TBCD: variants seen among roughly 807,000 people sequenced by gnomAD.
TBCD encodes tubulin folding cofactor D.
A neutral mutation model predicts 169.3 loss-of-function variants in TBCD; 105 were observed. The observed-to-expected ratio is 0.62, with a 90% confidence interval of 0.53 to 0.73. The LOEUF is 0.73. TBCD is among the 30% of genes least tolerant of loss of function. The probability of loss-of-function intolerance (pLI) is 0.00; values close to 1 mark genes in which losing one functional copy is unlikely to be tolerated. For missense variants in TBCD, 1,444 were observed against 1,600.1 expected (o/e 0.90, Z 1.66); for synonymous variants, 700 against 643.9 (o/e 1.09, Z -1.32).
At chr17:82,901,582 G>A (rs2059901023) in intron 18 of TBCD, among the ~76,000 whole-genome samples, 1 of 150,240 alleles carries the variant, frequency 6.7e-6, no homozygotes, top group Non-Finnish European at 1.5e-5. Flanking sequence ...TACCTGCGGT[G>A]GTCCTGCTGC....
At chr17:82,763,160 C>T (rs537905117) in intron 2 of TBCD, among the ~76,000 whole-genome samples, 2 of 152,230 alleles carry the variant, frequency 1.3e-5, no homozygotes, top group South Asian at 2.1e-4. Context: ...AGTTTTCAAC[C>T]GTGTCTCCTT....
chr17:82,855,389 C>G (rs2056187639), intron 13 of TBCD, among the ~76,000 whole-genome samples: 1 of 151,798 alleles, frequency 6.6e-6, no homozygotes, highest in African/African-American at 2.4e-5. Context: ...CTCAGCCTCC[C>G]AAGTCACTGT....
intron 37 of TBCD, 21 bp from the exon 38 acceptor site, chr17:82,941,378 C>G (rs764189523): frequency 1.7e-5 from 26 of 1,564,382 alleles, no homozygotes; most frequent in Non-Finnish European, 2.2e-5. Flanking sequence ...GAGAGACTCA[C>G]GGCTCTCCCT....
At chr17:82,917,836 G>C (rs1402741435) in intron 23 of TBCD, among the ~76,000 whole-genome samples, 1 of 152,214 alleles carries the variant, frequency 6.6e-6, no homozygotes, top group Non-Finnish European at 1.5e-5. Context: ...GGGGTTTCTG[G>C]TTCTTGTGGC....
At chr17:82,895,090 C>T (rs1461841635) in intron 17 of TBCD, among the ~76,000 whole-genome samples, 1 of 152,248 alleles carries the variant, frequency 6.6e-6, no homozygotes, top group Non-Finnish European at 1.5e-5. Flanking sequence ...CAGCCTAAAA[C>T]TCGCATGTAA....
At position 82,942,528 on chromosome 17, in the gene TBCD, G is replaced by A. The variant is rs372776232; in HGVS notation, c.*65G>A. 464 of 1,609,766 alleles carry A rather than the reference G, an allele frequency of 2.9e-4. No individual in the cohort carries two copies. Among genetic ancestry groups the A allele is most frequent in the Non-Finnish European group, 3.3e-4 (384 of 1,176,522 alleles). ...GGATGTCTTGTTCCTGAGGGAGGCC[G>A]GTGTGGAAAGCCTCGCACAGTGGTG... On this transcript the variant is annotated 3_prime_UTR_variant, in exon 39 of 39. Coordinates refer to ENST00000355528, the MANE Select transcript of TBCD (RefSeq NM_005993.5).
At position 82,889,787 on chromosome 17, in the gene TBCD, G is replaced by T; in HGVS notation, c.1563+90G>T. The T allele has an allele frequency of 1.4e-6, 2 of 1,462,712 alleles. No individual in the cohort carries two copies. The highest frequency in any genetic ancestry group is 1.9e-6 in the Non-Finnish European group (2 of 1,057,762). 90.6% of individuals were successfully genotyped at this position (1,462,712 alleles called of 1,614,324 possible). On this transcript the variant is annotated intron_variant, in intron 16 of 38. Coordinates refer to ENST00000355528, the MANE Select transcript of TBCD (RefSeq NM_005993.5). This position sits in a 1 kb window ranked among gnomAD's most constrained non-coding sequence, Gnocchi z 5.3. ...AGAGCTATAACCCTGGTGTCTTCTCGCACTGTGAGATGTGGTGTGGCTACA... is the reference window on the plus strand; with the variant it reads ...AGAGCTATAACCCTGGTGTCTTCTCTCACTGTGAGATGTGGTGTGGCTACA...
At chr17:82,846,361 G>A (rs1158133430) in intron 13 of TBCD, among the ~76,000 whole-genome samples, 7 of 150,534 alleles carry the variant, frequency 4.7e-5, no homozygotes, top group African/African-American at 1.5e-4. Flanking sequence ...CCCCCTCCAT[G>A]CGCTGTGTCC....
At chr17:82,865,641 A>G (rs2145880243) in intron 13 of TBCD, 1 of 669,916 alleles carries the variant, frequency 1.5e-6, no homozygotes, top group Non-Finnish European at 1.8e-6. Context: ...GCAGAAGTCC[A>G]GCACGATGCA....
Position 82,859,638 on chromosome 17 carries a change from T to C in TBCD, c.1319-10586T>C, listed in dbSNP as rs185760693. 2,547 of 985,164 alleles carry C rather than the reference T, an allele frequency of 2.6e-3. 3 individuals are homozygous for C. The highest frequency in any genetic ancestry group is 2.8e-3 in the Non-Finnish European group (2,352 of 829,892). 61.0% of individuals were successfully genotyped at this position (985,164 alleles called of 1,614,324 possible). The stretch of plus-strand genomic sequence containing the variant: ...CTGTAGTGAGGACAAAGAGTGGAGG[T>C]TGGAGTTCAGAATTGTGGACAGGCT... On this transcript the variant is annotated intron_variant, in intron 13 of 38. Transcript: ENST00000355528.
chr17:82,757,407 G>A lies in TBCD; in HGVS notation c.235+1192G>A, dbSNP rs557373096. Among the ~76,000 whole-genome samples, 5 of 152,180 alleles carry A rather than the reference G, an allele frequency of 3.3e-5. No individual in the cohort carries two copies. In the South Asian group the frequency reaches 1.0e-3, roughly 32 times the overall value. On this transcript the variant is annotated intron_variant, in intron 2 of 38. Coordinates refer to ENST00000355528, the MANE Select transcript of TBCD (RefSeq NM_005993.5). ...AGGTGGAGGCGGGTGGATCACTTGAGGTCGGGAGTTCGAGACCAGCATGGC... is the reference window on the plus strand; with the variant it reads ...AGGTGGAGGCGGGTGGATCACTTGAAGTCGGGAGTTCGAGACCAGCATGGC...
chr17:82,775,913 C>T (rs549401367), intron 6 of TBCD, among the ~76,000 whole-genome samples: 2 of 151,934 alleles, frequency 1.3e-5, no homozygotes, highest in Non-Finnish European at 2.9e-5. Context: ...TAAAAAAAAA[C>T]CCCTTTAATA....
intron 7 of TBCD, chr17:82,795,629 CATTT>C: frequency 1.0e-6 from 1 of 984,552 alleles, no homozygotes; most frequent in South Asian, 4.7e-5. Flanking sequence ...CTCGCAGGTT[CATTT>C]GTTGTGGAAC....
intron 18 of TBCD, among the ~76,000 whole-genome samples, chr17:82,901,835 A>T (rs2059917287): frequency 6.6e-6 from 1 of 152,224 alleles, no homozygotes; most frequent in African/African-American, 2.4e-5. Flanking sequence ...GTCCCTGCAA[A>T]TGTTACACCA....
At position 82,885,454 on chromosome 17, in the gene TBCD, TAGAG is replaced by T. The variant is rs1037894096; in HGVS notation, c.1533+1256_1533+1259del. Among the ~76,000 whole-genome samples the T allele has an allele frequency of 2.0e-4, 30 of 152,322 alleles. 1 individual carries two copies. Among genetic ancestry groups the T allele is most frequent in the African/African-American group, 6.7e-4 (28 of 41,562 alleles). ...TTCTCTGCCTCAGGTCCTTTAAAAC[TAGAG>T]AGAATTCACCAGGAGAGCTCAGAAG... On this transcript the variant is annotated intron_variant, in intron 15 of 38. Transcript: ENST00000355528.
At position 82,945,173 on chromosome 17, in the gene TBCD, G is replaced by T. The variant is rs906847678; in HGVS notation, c.*2710G>T. ...CCCCTAGAAATGTAAGAAGTGAAATGAAAAGCTCAATGGATAGCTTAGACA... is the reference window on the plus strand; with the variant it reads ...CCCCTAGAAATGTAAGAAGTGAAATTAAAAGCTCAATGGATAGCTTAGACA... On this transcript the variant is annotated 3_prime_UTR_variant, in exon 39 of 39. Transcript: ENST00000355528. 6.6e-6 allele frequency: 1 copy of T among 152,228 alleles called. No homozygotes were observed. The highest frequency in any genetic ancestry group is 2.4e-5 in the African/African-American group (1 of 41,470). 9.4% of individuals were successfully genotyped at this position (152,228 alleles called of 1,614,324 possible).
At chr17:82,830,708 G>A (rs1217839333) in intron 13 of TBCD, 3 of 1,614,038 alleles carry the variant, frequency 1.9e-6, no homozygotes, top group Middle Eastern at 1.6e-4. Context: ...TCCGCCTGGG[G>A]GCTGCCTTGG....
intron 15 of TBCD, among the ~76,000 whole-genome samples, chr17:82,888,793 A>G (rs1052097367): frequency 6.6e-6 from 1 of 152,222 alleles, no homozygotes; most frequent in Admixed American, 6.5e-5. Flanking sequence ...CCTTGCTCTC[A>G]GGAAGCCCCC....
At chr17:82,809,629 A>G in intron 11 of TBCD, 79 bp from the exon 12 acceptor site, 1 of 1,445,828 alleles carries the variant, frequency 6.9e-7, no homozygotes, top group Non-Finnish European at 9.5e-7. Flanking sequence ...ATGGGTGTTC[A>G]GGCCATTCAC....
Sources: allele counts gnomAD v4.1 joint callset (sites outside exome capture counted in the v4.1 genomes callset), GRCh38; gene constraint gnomAD v4.1.1; non-coding constraint Gnocchi (gnomAD v3.1); transcripts MANE v1.5; gene names NCBI Gene and HGNC (gene_info 2026-07-23, HGNC 2026-07-21).